Variants in UNC13C observed in about 807,000 individuals in gnomAD.
The protein encoded by UNC13C is unc-13 homolog C, also known as protein unc-13 homolog C.
A neutral mutation model predicts 245.4 loss-of-function variants in UNC13C; 174 were observed. That is an observed-to-expected ratio of 0.71 (90% CI 0.63 to 0.80). The LOEUF (loss-of-function observed/expected upper bound fraction) is 0.80. Ranked by LOEUF, UNC13C falls within the 30% of genes least tolerant of loss-of-function variation. The pLI is 0.00. For missense variants in UNC13C, 2,829 were observed against 2,602.9 expected, an observed-to-expected ratio of 1.09 and a Z score of -1.89; for synonymous variants, 992 against 895.1, an observed-to-expected ratio of 1.11 and a Z score of -1.93.
intron 2 of UNC13C, among the ~76,000 whole-genome samples, chr15:54,075,501 G>GAAGCTTGCAGTGAGCCA (rs1387617453): frequency 3.9e-4 from 40 of 101,422 alleles, no homozygotes; most frequent in South Asian, 6.5e-4. Context: ...GCAGTGAGCC[G>GAAGCTTGCAGTGAGCCA]AGATGGCGCC....
At chr15:54,153,578 A>G (rs2032616901) in intron 4 of UNC13C, among the ~76,000 whole-genome samples, 1 of 152,060 alleles carries the variant, frequency 6.6e-6, no homozygotes. Context: ...TGCGAAATTG[A>G]TACAATTTTA....
At chr15:53,902,455 A>G in the UNC13C span, among the ~76,000 whole-genome samples, 2 of 152,364 alleles carry the variant, frequency 1.3e-5, no homozygotes, top group African/African-American at 2.4e-5. Flanking sequence ...TAGTGATTGC[A>G]GAACATAAGG....
intron 30 of UNC13C, among the ~76,000 whole-genome samples, chr15:54,601,593 G>A (rs1899430132): frequency 6.6e-6 from 1 of 152,164 alleles, no homozygotes. Flanking sequence ...GACTCTGTCA[G>A]CAGGAAAAAG....
intron 19 of UNC13C, among the ~76,000 whole-genome samples, chr15:54,440,891 T>A (rs1015001470): frequency 1.3e-5 from 2 of 152,142 alleles, no homozygotes; most frequent in African/African-American, 4.8e-5. Flanking sequence ...GGTTTTGATT[T>A]GCATTTCCCT....
At chr15:54,459,926 C>T (rs1891744745) in intron 19 of UNC13C, among the ~76,000 whole-genome samples, 2 of 152,018 alleles carry the variant, frequency 1.3e-5, no homozygotes, top group Admixed American at 1.3e-4. Context: ...GGTTTGGATC[C>T]ACTACTGGAG....
chr15:54,311,159 G>A (rs182318390), intron 13 of UNC13C, among the ~76,000 whole-genome samples: 44 of 151,750 alleles, frequency 2.9e-4, no homozygotes, highest in African/African-American at 1.0e-3. Flanking sequence ...CTCAGTTTCA[G>A]TATTTTATTT....
intron 17 of UNC13C, among the ~76,000 whole-genome samples, chr15:54,366,038 C>T (rs1267016759): frequency 6.6e-6 from 1 of 152,168 alleles, no homozygotes; most frequent in Admixed American, 6.6e-5. Flanking sequence ...AATTGTTCCA[C>T]AGAAGAAGAG....
chr15:54,449,808 G>A (rs1028146020), intron 19 of UNC13C, among the ~76,000 whole-genome samples: 3 of 152,198 alleles, frequency 2.0e-5, no homozygotes, highest in Non-Finnish European at 4.4e-5. Context: ...TTGTTCCACT[G>A]CTGGTGAGGA....
intron 4 of UNC13C, among the ~76,000 whole-genome samples, chr15:54,201,579 A>G (rs1393866323): frequency 6.6e-6 from 1 of 152,046 alleles, no homozygotes; most frequent in Non-Finnish European, 1.5e-5. Flanking sequence ...GATTATCTCA[A>G]TAGACACAGA....
intron 24 of UNC13C, among the ~76,000 whole-genome samples, chr15:54,521,754 A>AATC (rs1266055970): frequency 6.6e-6 from 1 of 152,228 alleles, no homozygotes; most frequent in Non-Finnish European, 1.5e-5. Flanking sequence ...TTTCTAAGGA[A>AATC]TGAAAGATTT....
chr15:54,076,049 C>G (rs1898595830), intron 2 of UNC13C, among the ~76,000 whole-genome samples: 2 of 133,524 alleles, frequency 1.5e-5, no homozygotes, highest in South Asian at 5.1e-4. Flanking sequence ...TCTTTCTGCT[C>G]CTTCACTTAG....
At chr15:53,962,140 A>G in the UNC13C span, among the ~76,000 whole-genome samples, 3 of 152,148 alleles carry the variant, frequency 2.0e-5, no homozygotes, top group African/African-American at 7.2e-5. Flanking sequence ...GATAGCTATA[A>G]TATAATCTCA....
chr15:54,393,468 A>G (rs1293231421), intron 18 of UNC13C, among the ~76,000 whole-genome samples: 1 of 151,828 alleles, frequency 6.6e-6, no homozygotes. Flanking sequence ...TAGCTATACC[A>G]TTGTCTCAAA....
At chr15:54,435,092 G>A (rs371277668) in intron 19 of UNC13C, among the ~76,000 whole-genome samples, 29 of 152,222 alleles carry the variant, frequency 1.9e-4, no homozygotes, top group South Asian at 6.2e-4. Context: ...AGACGCTGGC[G>A]TAGATGTGGA....
chr15:54,255,519 ACTTGTGTCTTTTTCTAC>A (rs559363659), intron 8 of UNC13C, among the ~76,000 whole-genome samples: 1 of 152,140 alleles, frequency 6.6e-6, no homozygotes. Context: ...ACATCCAGCC[ACTTGTGTCTTTTTCTAC>A]CAATGTGTTC....
chr15:54,223,936 T>C (rs2035300628), intron 4 of UNC13C, among the ~76,000 whole-genome samples: 1 of 152,150 alleles, frequency 6.6e-6, no homozygotes. Flanking sequence ...TGTTTTCATA[T>C]TGTTTGCTGA....
chr15:54,143,881 A>G (rs1368207570), intron 4 of UNC13C, among the ~76,000 whole-genome samples, 197 bp downstream of exon 4: 6 of 140,506 alleles, frequency 4.3e-5, no homozygotes, highest in Non-Finnish European at 8.2e-5. Context: ...TTCTAAAAAT[A>G]TGAATATGTA....
At chr15:54,454,583 C>CA (rs1567288084) in intron 19 of UNC13C, among the ~76,000 whole-genome samples, 1 of 46,234 alleles carries the variant, frequency 2.2e-5, no homozygotes, top group Admixed American at 2.0e-4. Flanking sequence ...AAAAAAAAAA[C>CA]AACAATAACT....
At chr15:54,274,512 T>A (rs561424643) in intron 10 of UNC13C, among the ~76,000 whole-genome samples, 22 of 152,208 alleles carry the variant, frequency 1.4e-4, no homozygotes, top group African/African-American at 5.1e-4. Flanking sequence ...TGCTAAATAA[T>A]CCATCCCAAC....
Sources: gnomAD v4.1 joint callset for allele counts (sites outside exome capture counted in the v4.1 genomes callset) on GRCh38, gnomAD v4.1.1 for gene constraint, MANE v1.5 for transcripts, NCBI Gene and HGNC (gene_info 2026-07-23, HGNC 2026-07-21) for gene names.